Variants in OPRM1 observed in about 807,000 individuals in gnomAD.
The protein encoded by OPRM1 is opioid receptor mu 1, also known as mu-type opioid receptor.
OPRM1 carries 27 observed loss-of-function variants against 31.8 expected under a neutral mutation model. The ratio of observed to expected loss-of-function variants is 0.85; its 90% CI spans 0.63 to 1.17. The LOEUF (loss-of-function observed/expected upper bound fraction) is 1.17, where lower values mean the gene tolerates loss of function less well. Among genes scored for constraint, OPRM1 ranks in the 50% most tolerant of loss-of-function variants. OPRM1 has a pLI of 0.00. For missense variants in OPRM1, 536 were observed against 511.1 expected, an observed-to-expected ratio of 1.05 and a Z score of -0.47; for synonymous variants, 196 against 189.9, an observed-to-expected ratio of 1.03 and a Z score of -0.26.
chr6:154,205,779 C>A (rs1777444722), intron 3 of OPRM1, among the ~76,000 whole-genome samples: 1 of 151,960 alleles, frequency 6.6e-6, no homozygotes, highest in South Asian at 2.1e-4. Flanking sequence ...TTTTGTTTAC[C>A]CCAGGCTGCC....
chr6:154,039,031 C>A (rs1583168957), upstream of OPRM1: 1 of 1,100,354 alleles, frequency 9.1e-7, no homozygotes, highest in Non-Finnish European at 1.3e-6. Flanking sequence ...CAATGTATTC[C>A]CTGCCAGATT....
intron 3 of OPRM1, among the ~76,000 whole-genome samples, chr6:154,195,971 T>C (rs1353996464): frequency 1.3e-5 from 2 of 151,948 alleles, no homozygotes; most frequent in African/African-American, 2.4e-5. Flanking sequence ...TTTGTATTTT[T>C]AGTAGAGACA....
At chr6:154,099,744 A>G (rs1430527804) in intron 3 of OPRM1, among the ~76,000 whole-genome samples, 1 of 147,274 alleles carries the variant, frequency 6.8e-6, no homozygotes, top group Non-Finnish European at 1.5e-5. Context: ...TTGTAATTGT[A>G]GTTTTTAAAA....
chr6:154,163,186 C>T lies in OPRM1; in HGVS notation c.1164+71714C>T, dbSNP rs568068399. On this transcript the variant is annotated intron_variant, in intron 3 of 3. Coordinates refer to the OPRM1 transcript ENST00000337049. ...AATGGCAATGAGATCCTCAATGGCT[C>T]GAGTCCCTGCTGCCCCTCCAGCCCA... 6.4e-4 allele frequency among the ~76,000 whole-genome samples: 97 copies of T among 152,280 alleles called. 1 individual carries two copies. The highest frequency in any genetic ancestry group is 2.0e-3 in the African/African-American group (82 of 41,552).
intron 3 of OPRM1, chr6:154,108,162 T>TC: frequency 4.5e-6 from 1 of 222,668 alleles, no homozygotes; most frequent in East Asian, 5.5e-5. Flanking sequence ...ATAAAGGAAA[T>TC]TTTTTTTTTT....
chr6:154,064,079 A>T (rs1784895981), intron 1 of OPRM1, among the ~76,000 whole-genome samples: 1 of 152,034 alleles, frequency 6.6e-6, no homozygotes, highest in African/African-American at 2.4e-5. Flanking sequence ...ATGTCATTTT[A>T]CATTCCCACC....
chr6:154,238,383 G>C (rs958608144), intron 3 of OPRM1, among the ~76,000 whole-genome samples: 4 of 152,056 alleles, frequency 2.6e-5, no homozygotes, highest in Admixed American at 6.5e-5. Context: ...ACTCTCCCAA[G>C]TAGCTGGAAT....
intron 3 of OPRM1, among the ~76,000 whole-genome samples, chr6:154,184,340 A>C (rs74847215): frequency 0.028 from 4,311 of 152,162 alleles, 206 homozygotes; most frequent in African/African-American, 0.098. Flanking sequence ...AGAATAAATA[A>C]TACTACTATA....
chr6:154,025,600 T>C (rs181350611), intron 1 of OPRM1, among the ~76,000 whole-genome samples: 1 of 152,038 alleles, frequency 6.6e-6, no homozygotes, highest in African/African-American at 2.4e-5. Context: ...GGTCTTATCT[T>C]CCTTCTTTTT....
intron 3 of OPRM1, among the ~76,000 whole-genome samples, chr6:154,169,973 C>T (rs527550451): frequency 6.6e-6 from 1 of 152,260 alleles, no homozygotes; most frequent in East Asian, 1.9e-4. Context: ...GGAAGCCAAC[C>T]CATTCTGAGA....
intron 1 of OPRM1, among the ~76,000 whole-genome samples, chr6:154,019,356 T>C (rs1778206955): frequency 1.3e-5 from 2 of 151,852 alleles, no homozygotes; most frequent in Non-Finnish European, 2.9e-5. Context: ...TAACACCTCT[T>C]GCCTTTGTTA....
chr6:154,189,231 A>G (rs548791189), intron 3 of OPRM1, among the ~76,000 whole-genome samples: 2 of 152,366 alleles, frequency 1.3e-5, no homozygotes, highest in South Asian at 4.1e-4. Flanking sequence ...AAAAATTCAG[A>G]AACTCAACTT....
At chr6:154,226,710 T>A (rs1375922700) in intron 3 of OPRM1, among the ~76,000 whole-genome samples, 1 of 152,202 alleles carries the variant, frequency 6.6e-6, no homozygotes, top group Non-Finnish European at 1.5e-5. Flanking sequence ...AATGTTTACA[T>A]CATGAACATT....
chr6:154,190,901 A>G (rs565795051), intron 3 of OPRM1, among the ~76,000 whole-genome samples: 3 of 152,202 alleles, frequency 2.0e-5, no homozygotes, highest in Admixed American at 6.5e-5. Flanking sequence ...CTAAAAACAC[A>G]AAAAATTAGC....
At chr6:154,052,097 T>G (rs929169984) in intron 1 of OPRM1, among the ~76,000 whole-genome samples, 1 of 152,124 alleles carries the variant, frequency 6.6e-6, no homozygotes, top group African/African-American at 2.4e-5. Context: ...AAACACTGCA[T>G]GTTCTCACTC....
At chr6:154,078,190 T>G (rs1218054692) in intron 1 of OPRM1, among the ~76,000 whole-genome samples, 1 of 152,224 alleles carries the variant, frequency 6.6e-6, no homozygotes, top group Non-Finnish European at 1.5e-5. Context: ...CTCAGTTCCA[T>G]GCTTTATAAA....
Position 154,039,643 on chromosome 6 carries a change from C to G in OPRM1, c.99C>G (p.Asn33Lys). 1 of 1,613,740 alleles carries G rather than the reference C, an allele frequency of 6.2e-7. No individual in the cohort carries two copies. The highest frequency in any genetic ancestry group is 8.5e-7 in the Non-Finnish European group (1 of 1,179,644). The change falls in exon 1 of 4, where the codon AAC becomes AAG. Residue 33 changes from asparagine to lysine, a missense_variant. By Grantham distance (94) the Asn-to-Lys change is moderately conservative (BLOSUM62 0). Transcript: ENST00000330432. ...SPAPSPGSWV[N>K]LSHLDGNLSD... ...CACCCAGCCCCGGTTCCTGGGTCAA[C>G]TTGTCCCACTTAGATGGCAACCTGT...
chr6:154,035,841 G>C (rs1779270904), upstream of OPRM1, among the ~76,000 whole-genome samples: 1 of 152,092 alleles, frequency 6.6e-6, no homozygotes, highest in African/African-American at 2.4e-5. Context: ...TAAATGTATA[G>C]ATAATAAATT....
At chr6:154,143,550 C>T (rs1483097164) in intron 3 of OPRM1, among the ~76,000 whole-genome samples, 2 of 152,208 alleles carry the variant, frequency 1.3e-5, no homozygotes, top group African/African-American at 4.8e-5. Context: ...GCATAAACTA[C>T]TGGGAAAGGA....
Sources: allele counts gnomAD v4.1 joint callset (sites outside exome capture counted in the v4.1 genomes callset), GRCh38; gene constraint gnomAD v4.1.1; transcripts MANE v1.5; gene names NCBI Gene and HGNC (gene_info 2026-07-23, HGNC 2026-07-21).